EEF1AKMT2: variants seen among roughly 807,000 people sequenced by gnomAD.
The protein encoded by EEF1AKMT2 is eukaryotic translation elongation factor 1 alpha lysine methyltransferase 2.
In EEF1AKMT2, 32 loss-of-function variants were observed where a neutral mutation model predicts 35.8. The ratio of observed to expected loss-of-function variants is 0.89; its 90% confidence interval spans 0.67 to 1.20. EEF1AKMT2 has a LOEUF of 1.20. Ranked by LOEUF, EEF1AKMT2 falls within the 50% of genes most tolerant of loss-of-function variation. EEF1AKMT2 has a pLI of 0.00. For synonymous variants in EEF1AKMT2, 121 were observed against 133.7 expected (o/e 0.91, Z 0.65); for missense variants, 330 against 347.5 (o/e 0.95, Z 0.40).
At chr10:124,756,788 G>GTATT (rs1191133002), downstream of EEF1AKMT2, among the ~76,000 whole-genome samples, 1 of 152,180 alleles carries the variant, frequency 6.6e-6, no homozygotes, top group Admixed American at 6.5e-5. Flanking sequence ...GTGGGCTTGG[G>GTATT]TATTTGTCTG....
chr10:124,776,983 CAA>C (rs1950492822), intron 3 of EEF1AKMT2, among the ~76,000 whole-genome samples: 1 of 151,662 alleles, frequency 6.6e-6, no homozygotes, highest in Admixed American at 6.6e-5. Flanking sequence ...GAAAGAATAT[CAA>C]AGACATAATA....
At chr10:124,783,091 TA>T (rs1313808950) in intron 3 of EEF1AKMT2, 2 of 230,002 alleles carry the variant, frequency 8.7e-6, no homozygotes, top group Non-Finnish European at 1.8e-5. Flanking sequence ...GGCTATAATT[TA>T]AAAGATAGAT....
At chr10:124,791,580 A>C in intron 1 of EEF1AKMT2, 144 bp downstream of exon 1, 1 of 1,209,020 alleles carries the variant, frequency 8.3e-7, no homozygotes, top group Non-Finnish European at 1.1e-6. Context: ...AATCCCCGTA[A>C]GCCCCCCGCC....
At position 124,760,065 on chromosome 10, in the gene EEF1AKMT2, A is replaced by T. The variant is rs1368690721; in HGVS notation, c.*438T>A. On this transcript the variant is annotated 3_prime_UTR_variant, in exon 7 of 7. Transcript: ENST00000368836. ...GTCAAATATTCATAAATAGTTATCA[A>T]CTTTACCAAGGCACAAAAATCAAGA... 1 of 249,348 alleles carries T rather than the reference A, an allele frequency of 4.0e-6. No homozygotes were observed. Among genetic ancestry groups the T allele is most frequent in the Admixed American group, 5.4e-5 (1 of 18,586 alleles). 15.4% of individuals were successfully genotyped at this position (249,348 alleles called of 1,614,324 possible).
At chr10:124,783,225 C>T (rs1273934332) in intron 3 of EEF1AKMT2, among the ~76,000 whole-genome samples, 3 of 149,816 alleles carry the variant, frequency 2.0e-5, no homozygotes, top group African/African-American at 7.4e-5. Flanking sequence ...ACTGCAACCT[C>T]CACCTCCCAG....
At chr10:124,773,944 T>C (rs1174414982) in intron 4 of EEF1AKMT2, among the ~76,000 whole-genome samples, 1 of 152,186 alleles carries the variant, frequency 6.6e-6, no homozygotes, top group Admixed American at 6.5e-5. Context: ...TGCCTGTCTA[T>C]AACTCTAGAG....
chr10:124,788,042 CTATCTT>C (rs1184564027), intron 3 of EEF1AKMT2, among the ~76,000 whole-genome samples: 1 of 152,204 alleles, frequency 6.6e-6, no homozygotes, highest in African/African-American at 2.4e-5. Context: ...AATATGGTTC[CTATCTT>C]TAACTTAATC....
intron 5 of EEF1AKMT2, among the ~76,000 whole-genome samples, chr10:124,763,151 T>G (rs944872184): frequency 2.0e-5 from 3 of 152,202 alleles, no homozygotes; most frequent in Non-Finnish European, 2.9e-5. Context: ...TCAGAAAGAC[T>G]CCCTTAAATT....
rs1950311863 is a variant in EEF1AKMT2 at position 124,759,482 on chromosome 10, A to G, written c.*1021T>C. On this transcript the variant is annotated 3_prime_UTR_variant, in exon 7 of 7. Transcript: ENST00000368836. ...CTTTTCTAACTGAACTTTATATGTA[A>G]TCATCATGGGTCTCCAGCTGTACTG... 1 of 152,192 alleles carries G rather than the reference A, an allele frequency of 6.6e-6. No homozygotes were observed. Among genetic ancestry groups the G allele is most frequent in the Non-Finnish European group, 1.5e-5 (1 of 68,040 alleles). 9.4% of individuals were successfully genotyped at this position (152,192 alleles called of 1,614,324 possible). A position where few individuals can be genotyped will look rare whatever the true frequency, so the allele number is the denominator to read the frequency against.
Position 124,765,293 on chromosome 10 carries a change from T to C in EEF1AKMT2, c.616+99A>G, listed in dbSNP as rs537797590. 253 of 994,382 alleles carry C rather than the reference T, an allele frequency of 2.5e-4. No individual in the cohort carries two copies. The Middle Eastern group carries it at 2.6e-3, about 10-fold the overall frequency. The allele number at this position is 994,382 out of a possible 1,614,324, so 61.6% of individuals were successfully genotyped here. On this transcript the variant is annotated intron_variant, in intron 5 of 6. Coordinates refer to ENST00000368836, the MANE Select transcript of EEF1AKMT2 (RefSeq NM_212554.4). Reference sequence around the variant, plus strand: ...GAAAAAAGCAGGCAATTCCCACAAATAGAAAAGTAAAACACTATAACACAA... The same window carrying C: ...GAAAAAAGCAGGCAATTCCCACAAACAGAAAAGTAAAACACTATAACACAA...
chr10:124,791,792 C>T lies in EEF1AKMT2; in HGVS notation c.42G>A (p.Ala14=). The T allele has an allele frequency of 6.3e-7, 1 of 1,591,626 alleles. No individual in the cohort carries two copies. The highest frequency in any genetic ancestry group is 8.5e-7 in the Non-Finnish European group (1 of 1,173,894). ...CGGGACTGCCCTTGTCCGACCGCGC[C>T]GCCACCGCAGCGCCACCGCCGCCGT... ...GADGGGGAAV[A]ARSDKGSPGE... The change falls in exon 1 of 7, where the codon GCG becomes GCA. Residue 14 remains alanine, a synonymous_variant. Coordinates refer to ENST00000368836, the MANE Select transcript of EEF1AKMT2 (RefSeq NM_212554.4).
intron 4 of EEF1AKMT2, among the ~76,000 whole-genome samples, chr10:124,769,418 A>C (rs1349406378): frequency 4.6e-5 from 7 of 151,630 alleles, no homozygotes; most frequent in Non-Finnish European, 8.8e-5. Context: ...CAAGAGTTTC[A>C]TTTTGGACTA....
At chr10:124,774,228 G>A (rs1347814249) in intron 4 of EEF1AKMT2, among the ~76,000 whole-genome samples, 2 of 151,502 alleles carry the variant, frequency 1.3e-5, no homozygotes, top group African/African-American at 2.4e-5. Flanking sequence ...TTAGCTGGGC[G>A]TGGCTGCAGG....
chr10:124,790,416 TACAGAGCTATTTATG>T, intron 1 of EEF1AKMT2, 78 bp from the exon 2 acceptor site: 1 of 1,020,720 alleles, frequency 9.8e-7, no homozygotes, highest in Non-Finnish European at 1.6e-6. Context: ...TCTAATACAT[TACAGAGCTATTTATG>T]ACAGAGGTTT....
At chr10:124,771,380 T>C (rs903415924) in intron 4 of EEF1AKMT2, among the ~76,000 whole-genome samples, 2 of 151,674 alleles carry the variant, frequency 1.3e-5, no homozygotes, top group Non-Finnish European at 2.9e-5. Context: ...ATTACAGGCG[T>C]GAGCCACCGC....
chr10:124,756,533 C>T (rs1458084963), downstream of EEF1AKMT2, among the ~76,000 whole-genome samples: 2 of 152,192 alleles, frequency 1.3e-5, no homozygotes, highest in African/African-American at 2.4e-5. Flanking sequence ...TAGAGAAGTC[C>T]TTTTAATGAT....
rs1441317282 is a variant in EEF1AKMT2 at position 124,788,983 on chromosome 10, G to A, written c.291+60C>T. ...GATGGTTAATATCCTCAATTGCAGG[G>A]CCTTTAAAAATTTTCCTTTTAAAAT... On this transcript the variant is annotated intron_variant, in intron 3 of 6. Coordinates refer to ENST00000368836, the MANE Select transcript of EEF1AKMT2 (RefSeq NM_212554.4). The A allele has an allele frequency of 3.2e-5, 36 of 1,116,736 alleles. No individual in the cohort carries two copies. In the Admixed American group the frequency reaches 6.7e-4, roughly 21 times the overall value. 69.2% of individuals were successfully genotyped at this position (1,116,736 alleles called of 1,614,324 possible).
intron 3 of EEF1AKMT2, among the ~76,000 whole-genome samples, chr10:124,784,991 G>A (rs1950572362): frequency 6.6e-6 from 1 of 150,632 alleles, no homozygotes; most frequent in South Asian, 2.1e-4. Flanking sequence ...GCTCACCCCT[G>A]CACCCCCAGC....
At position 124,760,336 on chromosome 10, in the gene EEF1AKMT2, A is replaced by G. The variant is rs1589776865; in HGVS notation, c.*167T>C. On this transcript the variant is annotated 3_prime_UTR_variant, in exon 7 of 7. Transcript: ENST00000368836. ...TACTTACTAAGCATTTATTTGCACA[A>G]GGATTTTCTGTGTCAGGTTAACTTT... 1 of 1,000,850 alleles carries G rather than the reference A, an allele frequency of 1.0e-6. No homozygotes were observed. The highest frequency in any genetic ancestry group is 1.5e-6 in the Non-Finnish European group (1 of 656,650). 62.0% of individuals were successfully genotyped at this position (1,000,850 alleles called of 1,614,324 possible).
Sources: gnomAD v4.1 joint callset for allele counts (sites outside exome capture counted in the v4.1 genomes callset) on GRCh38, gnomAD v4.1.1 for gene constraint, MANE v1.5 for transcripts, NCBI Gene and HGNC (gene_info 2026-07-23, HGNC 2026-07-21) for gene names.